The following COL24A1 variants were observed in gnomAD, a reference collection of about 807,000 sequenced individuals.
The protein encoded by COL24A1 is collagen alpha-1(XXIV) chain.
In COL24A1, 224 loss-of-function variants were observed where a neutral mutation model predicts 253.9. That is an observed-to-expected ratio of 0.88 (90% CI 0.79 to 0.99). The LOEUF is 0.99. Ranked by LOEUF, COL24A1 falls within the 50% of genes least tolerant of loss-of-function variation. The pLI, the probability that COL24A1 is intolerant of heterozygous loss-of-function variation, is 0.00. For missense variants in COL24A1, 2,131 were observed against 2,068.5 expected, an observed-to-expected ratio of 1.03 and a Z score of -0.59; for synonymous variants, 685 against 673.7, an observed-to-expected ratio of 1.02 and a Z score of -0.26.
At position 85,847,842 on chromosome 1, in the gene COL24A1, A is replaced by G. The variant is rs949444003; in HGVS notation, c.3355-70T>C. The G allele has an allele frequency of 3.1e-5, 28 of 898,642 alleles. No homozygotes were observed. In the South Asian group the frequency reaches 3.9e-4, roughly 12 times the overall value. The allele number at this position is 898,642 out of a possible 1,614,324, so 55.7% of individuals were successfully genotyped here. A position where few individuals can be genotyped will look rare whatever the true frequency, so the allele number is the denominator to read the frequency against. ...TACTTAGATTAATTAACTATATCAT[A>G]TTCCTGAATAGCTCCTGAGGATTAT... On this transcript the variant is annotated intron_variant, in intron 38 of 59. Transcript: ENST00000370571.
intron 19 of COL24A1, among the ~76,000 whole-genome samples, chr1:86,014,504 G>C (rs575891367): frequency 2.6e-5 from 4 of 152,162 alleles, no homozygotes; most frequent in African/African-American, 9.6e-5. Context: ...ACAGTTTTAA[G>C]ACTCTTATTA....
intron 12 of COL24A1, among the ~76,000 whole-genome samples, chr1:86,035,493 C>T (rs1175387123): frequency 6.6e-6 from 1 of 152,104 alleles, no homozygotes; most frequent in East Asian, 1.9e-4. Context: ...CTGCATGATT[C>T]CATTACTGTG....
At chr1:86,011,099 T>C (rs1696446657) in intron 19 of COL24A1, among the ~76,000 whole-genome samples, 1 of 152,184 alleles carries the variant, frequency 6.6e-6, no homozygotes, top group African/African-American at 2.4e-5. Flanking sequence ...GAATAATTTC[T>C]CTAACTTTTC....
chr1:85,915,472 A>G (rs1399816597), intron 24 of COL24A1, among the ~76,000 whole-genome samples: 2 of 152,108 alleles, frequency 1.3e-5, no homozygotes, highest in Non-Finnish European at 2.9e-5. Context: ...ATGTGAGCCA[A>G]TTCTTTATAA....
At chr1:85,734,111 C>A (rs985308729) in intron 59 of COL24A1, among the ~76,000 whole-genome samples, 1 of 151,768 alleles carries the variant, frequency 6.6e-6, no homozygotes, top group Non-Finnish European at 1.5e-5. Context: ...CCATGTTGGC[C>A]AGGCTGGTCT....
intron 19 of COL24A1, among the ~76,000 whole-genome samples, chr1:85,993,802 T>A (rs1400064484): frequency 3.9e-5 from 6 of 152,050 alleles, no homozygotes; most frequent in Non-Finnish European, 8.8e-5. Flanking sequence ...GTAGGCAACA[T>A]TTTTTAAGGA....
chr1:86,114,943 T>C (rs2102181724), intron 4 of COL24A1, among the ~76,000 whole-genome samples: 1 of 152,304 alleles, frequency 6.6e-6, no homozygotes, highest in South Asian at 2.1e-4. Context: ...TTCAGAATTT[T>C]CCACTATGTA....
At position 85,886,937 on chromosome 1, in the gene COL24A1, T is replaced by C. The variant is rs192972971; in HGVS notation, c.2976+2623A>G. On this transcript the variant is annotated intron_variant, in intron 32 of 59. Transcript: ENST00000370571. ...GTCTGACTGAGATGCTGATATAGAG[T>C]ACTCTTATCTTTTGTTTCCGAGACT... 2.2e-3 allele frequency among the ~76,000 whole-genome samples: 328 copies of C among 152,286 alleles called. 10 individuals carry two copies. In the South Asian group the frequency reaches 0.052, roughly 24 times the overall value.
intron 12 of COL24A1, among the ~76,000 whole-genome samples, chr1:86,034,332 C>T (rs1364093797): frequency 6.6e-6 from 1 of 152,122 alleles, no homozygotes; most frequent in Non-Finnish European, 1.5e-5. Flanking sequence ...TAAGCACTTG[C>T]CATGTGCTAA....
At chr1:85,938,904 G>A (rs1688477266) in intron 24 of COL24A1, among the ~76,000 whole-genome samples, 1 of 152,268 alleles carries the variant, frequency 6.6e-6, no homozygotes, top group Non-Finnish European at 1.5e-5. Flanking sequence ...TGCGGGGGTG[G>A]TTGAAACTTA....
chr1:85,910,940 C>A (rs1247897949), intron 25 of COL24A1, among the ~76,000 whole-genome samples: 2 of 151,516 alleles, frequency 1.3e-5, no homozygotes, highest in Non-Finnish European at 2.9e-5. Context: ...TTTGAAGAAA[C>A]AGAGGGAAGG....
At chr1:85,840,965 C>T (rs1032351018) in intron 42 of COL24A1, among the ~76,000 whole-genome samples, 4 of 151,978 alleles carry the variant, frequency 2.6e-5, no homozygotes, top group Non-Finnish European at 4.4e-5. Context: ...GTTATCATGC[C>T]TTCAATGCAG....
rs542518805 is a variant in COL24A1 at position 86,156,559 on chromosome 1, G to C, written c.-163C>G. 6.6e-4 allele frequency: 352 copies of C among 535,162 alleles called. 2 individuals are homozygous for C. Among genetic ancestry groups the C allele is most frequent in the African/African-American group, 6.2e-3 (317 of 50,818 alleles). 33.2% of individuals were successfully genotyped at this position (535,162 alleles called of 1,614,324 possible). On this transcript the variant is annotated 5_prime_UTR_variant, in exon 1 of 60. Coordinates refer to ENST00000370571, the MANE Select transcript of COL24A1 (RefSeq NM_152890.7). ...AAAAAGGAGGGGAGGGGGTGAAGTC[G>C]GGAGGAGGTAGGAAATAGCACCCGA...
At chr1:85,844,223 T>C (rs1417352193) in intron 39 of COL24A1, among the ~76,000 whole-genome samples, 1 of 152,012 alleles carries the variant, frequency 6.6e-6, no homozygotes, top group Non-Finnish European at 1.5e-5. Flanking sequence ...AGAAATCATA[T>C]AGGTCACATC....
At chr1:85,919,373 G>A (rs757887655) in intron 24 of COL24A1, among the ~76,000 whole-genome samples, 1 of 152,144 alleles carries the variant, frequency 6.6e-6, no homozygotes, top group Non-Finnish European at 1.5e-5. Flanking sequence ...GAGATAGATG[G>A]AGCCACAAGA....
At chr1:85,841,863 C>T (rs114362338) in intron 41 of COL24A1, among the ~76,000 whole-genome samples, 254 of 152,274 alleles carry the variant, frequency 1.7e-3, no homozygotes, top group African/African-American at 5.9e-3. Flanking sequence ...TCAGCTCAGT[C>T]TTGAAACAAC....
At chr1:86,123,863 C>G (rs1415226023) in intron 3 of COL24A1, among the ~76,000 whole-genome samples, 2 of 151,788 alleles carry the variant, frequency 1.3e-5, no homozygotes, top group Admixed American at 1.3e-4. Context: ...ACAAAGGAAA[C>G]ACAAGCTAAA....
intron 45 of COL24A1, among the ~76,000 whole-genome samples, chr1:85,819,908 C>A (rs1673442022): frequency 6.8e-6 from 1 of 147,084 alleles, no homozygotes; most frequent in South Asian, 2.2e-4. Context: ...AGTACAGTGT[C>A]ATGATCTCGG....
intron 8 of COL24A1, among the ~76,000 whole-genome samples, chr1:86,063,359 CTGTGTGTGTG>C (rs372205588): frequency 1.7e-4 from 20 of 117,592 alleles, no homozygotes; most frequent in East Asian, 5.9e-4. Context: ...GTCTCTCTCT[CTGTGTGTGTG>C]TGTGTGTGTG....
Sources: gnomAD v4.1 joint callset for allele counts (sites outside exome capture counted in the v4.1 genomes callset) on GRCh38, gnomAD v4.1.1 for gene constraint, MANE v1.5 for transcripts, NCBI Gene and HGNC (gene_info 2026-07-23, HGNC 2026-07-21) for gene names.